Variants in RGL1 observed in about 807,000 individuals in gnomAD.
RGL1 encodes ral guanine nucleotide dissociation stimulator-like 1.
In RGL1, 24 loss-of-function variants were observed where a neutral mutation model predicts 95.2. That is an observed-to-expected ratio of 0.25 (90% CI 0.18 to 0.35). The LOEUF is 0.35. RGL1 is among the 10% of genes least tolerant of loss of function. RGL1 has a pLI of 1.00. For synonymous variants in RGL1, 329 were observed against 344.9 expected (o/e 0.95, Z 0.51); for missense variants, 715 against 936.3 (o/e 0.76, Z 3.08).
chr1:183,905,345 C>G (rs983174085), intron 13 of RGL1, among the ~76,000 whole-genome samples: 1 of 152,152 alleles, frequency 6.6e-6, no homozygotes, highest in African/African-American at 2.4e-5. Flanking sequence ...TTTGTCATTC[C>G]TGTTAATTGA....
At chr1:183,823,870 T>C (rs1414962954) in intron 2 of RGL1, among the ~76,000 whole-genome samples, 1 of 152,170 alleles carries the variant, frequency 6.6e-6, no homozygotes, top group African/African-American at 2.4e-5. Flanking sequence ...TACTGCAGCC[T>C]CAAACTTCTG....
At chr1:183,744,527 A>G (rs966099022) in intron 2 of RGL1, among the ~76,000 whole-genome samples, 1 of 151,988 alleles carries the variant, frequency 6.6e-6, no homozygotes, top group African/African-American at 2.4e-5. Flanking sequence ...TGCTTGTCTC[A>G]CTCCAGTCCT....
intron 2 of RGL1, among the ~76,000 whole-genome samples, chr1:183,767,542 A>T (rs907798920): frequency 6.6e-6 from 1 of 152,162 alleles, no homozygotes; most frequent in East Asian, 1.9e-4. Flanking sequence ...CCAGTTAAGT[A>T]CTTTAGTGCT....
chr1:183,637,737 A>G (rs1475166951), intron 1 of RGL1, among the ~76,000 whole-genome samples: 1 of 152,216 alleles, frequency 6.6e-6, no homozygotes, highest in Non-Finnish European at 1.5e-5. Flanking sequence ...TTAAATTAAC[A>G]TTCAAGTTAT....
Position 183,727,685 on chromosome 1 carries a change from A to G in RGL1, c.-32-14441A>G, listed in dbSNP as rs528740520. Among the ~76,000 whole-genome samples, 10 of 152,184 alleles carry G rather than the reference A, an allele frequency of 6.6e-5. No individual in the cohort carries two copies. The East Asian group carries it at 1.5e-3, about 23-fold the overall frequency. Reference sequence around the variant, plus strand: ...GTCTTTATTCACAGATGACATGATCAAGCATGCAGCAAACAGCAAATCTTC... The same window carrying G: ...GTCTTTATTCACAGATGACATGATCGAGCATGCAGCAAACAGCAAATCTTC... On this transcript the variant is annotated intron_variant, in intron 1 of 18. Transcript: ENST00000304685.
At chr1:183,732,391 C>A (rs868061698) in intron 1 of RGL1, among the ~76,000 whole-genome samples, 36 of 152,126 alleles carry the variant, frequency 2.4e-4, no homozygotes, top group Admixed American at 1.8e-3. Flanking sequence ...CTCTTTCCCC[C>A]CAGACAGATG....
intron 2 of RGL1, among the ~76,000 whole-genome samples, chr1:183,781,454 T>G (rs1659899896): frequency 6.6e-6 from 1 of 152,202 alleles, no homozygotes; most frequent in Non-Finnish European, 1.5e-5. Context: ...TTAAGTTTTT[T>G]AATACTGTGG....
intron 1 of RGL1, among the ~76,000 whole-genome samples, chr1:183,655,377 C>T (rs975148030): frequency 1.1e-4 from 16 of 152,200 alleles, no homozygotes; most frequent in African/African-American, 3.9e-4. Context: ...TTTATTTGAA[C>T]CTACTGTACC....
intron 2 of RGL1, among the ~76,000 whole-genome samples, chr1:183,829,037 G>A (rs1663077460): frequency 6.6e-6 from 1 of 152,146 alleles, no homozygotes; most frequent in Admixed American, 6.5e-5. Context: ...AATCATCAAT[G>A]CTTGTTATAA....
intron 2 of RGL1, among the ~76,000 whole-genome samples, chr1:183,782,975 C>T (rs866373890): frequency 5.7e-4 from 86 of 152,134 alleles, no homozygotes; most frequent in African/African-American, 1.9e-3. Context: ...TCTAGTTCTC[C>T]GGCCTGAACC....
intron 2 of RGL1, among the ~76,000 whole-genome samples, chr1:183,822,670 C>G (rs1012954097): frequency 6.6e-6 from 1 of 152,194 alleles, no homozygotes; most frequent in Non-Finnish European, 1.5e-5. Flanking sequence ...ATGTTGACCT[C>G]TTGTTTTATA....
At chr1:183,650,489 G>A (rs1428189409) in intron 1 of RGL1, among the ~76,000 whole-genome samples, 2 of 152,126 alleles carry the variant, frequency 1.3e-5, no homozygotes, top group Non-Finnish European at 2.9e-5. Flanking sequence ...CTTGCAGTGA[G>A]CCAACATCCC....
chr1:183,746,462 A>C (rs79105706), intron 2 of RGL1, among the ~76,000 whole-genome samples: 2,330 of 152,152 alleles, frequency 0.015, 75 homozygotes, highest in African/African-American at 0.054. Flanking sequence ...TCAGCCACAA[A>C]AATATATATA....
chr1:183,776,303 C>A (rs1028870230), intron 2 of RGL1, among the ~76,000 whole-genome samples: 1 of 151,450 alleles, frequency 6.6e-6, no homozygotes, highest in Non-Finnish European at 1.5e-5. Context: ...CGCCCGCTAC[C>A]ACGCCCGGCT....
intron 4 of RGL1, among the ~76,000 whole-genome samples, chr1:183,868,181 T>G (rs891222349): frequency 3.9e-5 from 6 of 152,148 alleles, no homozygotes; most frequent in Non-Finnish European, 7.4e-5. Context: ...AAATGCAATT[T>G]TCATGGAATT....
Position 183,926,179 on chromosome 1 carries a change from A to C in RGL1, c.2194A>C (p.Lys732Gln). Residue 732 changes from lysine to glutamine, a missense_variant, in exon 18 of 18, where the codon AAA becomes CAA. Lys to Gln is a moderately conservative substitution (Grantham distance 53). Around this residue, in one of 3 missense-constraint regions of RGL1, gnomAD observed 330 missense variants for 429.6 expected, o/e 0.77. Transcript: ENST00000360851. ...SQVNFDFILR[K>Q]KNSMEEQVKL... ...AGTGAACTTTGACTTCATTTTGCGC[A>C]AAAAGAACTCCATGGAAGAACAAGT... 1 of 1,614,102 alleles carries C rather than the reference A, an allele frequency of 6.2e-7. No individual in the cohort carries two copies. Among genetic ancestry groups the C allele is most frequent in the Non-Finnish European group, 8.5e-7 (1 of 1,179,960 alleles).
At chr1:183,884,991 T>C in intron 7 of RGL1, 53 bp downstream of exon 7, 5 of 1,463,506 alleles carry the variant, frequency 3.4e-6, no homozygotes. Flanking sequence ...AAGAGACTGC[T>C]CCATCACTTC....
chr1:183,706,024 G>A (rs895632889), intron 1 of RGL1, among the ~76,000 whole-genome samples: 6 of 152,108 alleles, frequency 3.9e-5, no homozygotes, highest in Non-Finnish European at 7.4e-5. Context: ...GGTTAACTAT[G>A]GATGGGGGAT....
chr1:183,701,080 T>C (rs1487148417), intron 1 of RGL1, among the ~76,000 whole-genome samples: 1 of 152,234 alleles, frequency 6.6e-6, no homozygotes, highest in Non-Finnish European at 1.5e-5. Context: ...GCAAAGGACA[T>C]GAATTCATTC....
Sources: allele counts gnomAD v4.1 joint callset (sites outside exome capture counted in the v4.1 genomes callset), GRCh38; gene constraint gnomAD v4.1.1; regional missense constraint gnomAD v4.1.1; transcripts MANE v1.5; gene names NCBI Gene and HGNC (gene_info 2026-07-23, HGNC 2026-07-21).